Variants in FKBP1C observed in about 807,000 individuals in gnomAD.
FKBP1C encodes the protein FKBP prolyl isomerase family member 1C.
Under a neutral mutation model 7.1 loss-of-function variants are expected in FKBP1C, and 7 were observed. The ratio of observed to expected loss-of-function variants is 0.99; its 90% confidence interval spans 0.56 to 1.86. The LOEUF (loss-of-function observed/expected upper bound fraction) is 1.86, where lower values mean the gene tolerates loss of function less well. Ranked by LOEUF, FKBP1C falls within the 40% of genes most tolerant of loss-of-function variation. FKBP1C has a pLI of 0.00. For synonymous variants in FKBP1C, 56 were observed against 51.2 expected, an observed-to-expected ratio of 1.09 and a Z score of -0.40; for missense variants, 159 against 139.9, an observed-to-expected ratio of 1.14 and a Z score of -0.69.
rs771952973 is a variant in FKBP1C at position 63,211,871 on chromosome 6, A to G, written c.315A>G (p.Leu105=). ...CTCTCGTCTTCGATGTGGAGCTTCT[A>G]AAACTGGAATGACAGGAATGGCCTC... is the stretch of plus-strand genomic sequence containing the variant. The change falls in exon 1 of 1, where the codon CTA becomes CTG. Residue 105 remains leucine, a synonymous_variant. Coordinates refer to ENST00000370659, the Ensembl canonical transcript of FKBP1C. 1.2e-5 allele frequency: 20 copies of G among 1,613,074 alleles called. No homozygotes were observed. In the Admixed American group the frequency reaches 3.2e-4, roughly 26 times the overall value.
At chr6:63,211,658 A>G in exon 1 of FKBP1C, 1 of 1,614,068 alleles carries the variant, frequency 6.2e-7, no homozygotes, top group Non-Finnish European at 8.5e-7. Flanking sequence ...TTGAAGATGG[A>G]AAGAAATTTG....
At chr6:63,211,521 G>A (rs753649256) in exon 1 of FKBP1C, 80 of 866,236 alleles carry the variant, frequency 9.2e-5, no homozygotes, top group Non-Finnish European at 1.3e-4. Context: ...CACGCCGCCC[G>A]TCGCGCTGCC....
chr6:63,211,924 G>C, exon 1 of FKBP1C: 15 of 1,606,744 alleles, frequency 9.3e-6, no homozygotes, highest in Non-Finnish European at 1.3e-5. Context: ...TCTTGGATCT[G>C]CCATGGAGGG....
chr6:63,211,597 G>T, exon 1 of FKBP1C: 1 of 1,554,180 alleles, frequency 6.4e-7, no homozygotes, highest in Non-Finnish European at 8.9e-7. Flanking sequence ...GGAGACTGGC[G>T]CACCTTCCCG....
exon 1 of FKBP1C, chr6:63,212,038 C>G: frequency 1.1e-6 from 1 of 874,626 alleles, no homozygotes; most frequent in East Asian, 2.6e-5. Context: ...TGTTCTGTCA[C>G]TCAGCTTTGC....
exon 1 of FKBP1C, chr6:63,212,739 T>G (rs2127364324): frequency 6.0e-6 from 1 of 167,118 alleles, no homozygotes; most frequent in East Asian, 1.9e-4. Context: ...GTTTGTAGAC[T>G]TAACACCCAG....
rs554462564 is a variant in FKBP1C, at chr6:63,211,602, T to C, written c.46T>C (p.Phe16Leu). Residue 16 changes from phenylalanine (F) to leucine (L), a missense_variant, in exon 1 of 1, where the codon TTC (phenylalanine) becomes CTC (leucine). Physicochemically the swap from Phe to Leu is conservative, Grantham distance 22. Transcript: ENST00000370659. ...CATCTCCCCAGGAGACTGGCGCACCTTCCCGAAGCGCAGCCAGACCTGCGT... is the reference window on the plus strand; with the variant it reads ...CATCTCCCCAGGAGACTGGCGCACCCTCCCGAAGCGCAGCCAGACCTGCGT... 7.2e-5 allele frequency: 114 copies of C among 1,582,726 alleles called. 1 individual carries two copies. In the African/African-American group the frequency reaches 1.2e-3, roughly 16 times the overall value.
exon 1 of FKBP1C, chr6:63,211,655 T>C: frequency 1.9e-6 from 3 of 1,614,110 alleles, no homozygotes; most frequent in South Asian, 1.1e-5. Flanking sequence ...TGCTTGAAGA[T>C]GGAAAGAAAT....
At position 63,211,588 on chromosome 6, in the gene FKBP1C, G is replaced by T. The variant is rs146459499; in HGVS notation, c.32G>T (p.Gly11Val). ...GTGCACGTGGAAACCATCTCCCCAGGAGACTGGCGCACCTTCCCGAAGCGC... is the reference window on the plus strand; with the variant it reads ...GTGCACGTGGAAACCATCTCCCCAGTAGACTGGCGCACCTTCCCGAAGCGC... The change falls in exon 1 of 1, where the codon GGA becomes GTA. Residue 11 changes from glycine to valine, a missense_variant. Transcript: ENST00000370659. 8,731 of 1,530,684 alleles carry T rather than the reference G, an allele frequency of 5.7e-3. 53 individuals carry two copies. Among genetic ancestry groups the T allele is most frequent in the Non-Finnish European group, 6.9e-3 (7,668 of 1,105,138 alleles). The allele number at this position is 1,530,684 out of a possible 1,614,324, so 94.8% of individuals were successfully genotyped here. A position where few individuals can be genotyped will look rare whatever the true frequency, so the allele number is the denominator to read the frequency against.
At chr6:63,211,958 A>C (rs965824371) in exon 1 of FKBP1C, 1 of 1,517,376 alleles carries the variant, frequency 6.6e-7, no homozygotes, top group East Asian at 2.2e-5. Flanking sequence ...AGACGTGTGC[A>C]CATAAATCCA....
exon 1 of FKBP1C, chr6:63,211,851 G>A (rs748074789): frequency 3.1e-5 from 50 of 1,612,962 alleles, no homozygotes; most frequent in East Asian, 8.9e-5. Context: ...TGCCACTCTC[G>A]TCTTCGATGT....
chr6:63,211,583 C>T, exon 1 of FKBP1C: 1 of 1,513,540 alleles, frequency 6.6e-7, no homozygotes, highest in African/African-American at 1.4e-5. Flanking sequence ...AAACCATCTC[C>T]CCAGGAGACT....
chr6:63,211,768 A>G (rs779211879), exon 1 of FKBP1C: 11 of 1,614,012 alleles, frequency 6.8e-6, no homozygotes, highest in East Asian at 2.2e-5. Flanking sequence ...AGTGTGGGTC[A>G]GAGAGCCAAA....
In FKBP1C at chr6:63,211,771, G is replaced by C. The variant is rs746230453; in HGVS notation, c.215G>C (p.Arg72Thr). Residue 72 changes from arginine to threonine, a missense_variant, in exon 1 of 1, where the codon AGA becomes ACA. Physicochemically the swap from Arg to Thr is moderately conservative, Grantham distance 71. Coordinates refer to ENST00000370659, the Ensembl canonical transcript of FKBP1C. Reference sequence around the variant, plus strand: ...GTTGTCCAGATGAGTGTGGGTCAGAGAGCCAAACTGACTATATCTCCAGAT... The same window carrying C: ...GTTGTCCAGATGAGTGTGGGTCAGACAGCCAAACTGACTATATCTCCAGAT... 14 of 1,613,876 alleles carry C rather than the reference G, an allele frequency of 8.7e-6. No homozygotes were observed. In the Admixed American group the frequency reaches 2.3e-4, roughly 27 times the overall value.
exon 1 of FKBP1C, chr6:63,212,558 G>A (rs1350321148): frequency 6.1e-6 from 1 of 164,482 alleles, no homozygotes; most frequent in Non-Finnish European, 1.5e-5. Context: ...TCTGTCCCTG[G>A]GCCAGCAGGG....
exon 1 of FKBP1C, chr6:63,212,799 GATGCTGGTC>G (rs920567324): frequency 9.6e-5 from 16 of 166,952 alleles, no homozygotes; most frequent in African/African-American, 3.9e-4. Flanking sequence ...TTAAGAAAAT[GATGCTGGTC>G]ATCCCAGCTT....
At chr6:63,212,299 A>G (rs953048235) in exon 1 of FKBP1C, 1 of 238,200 alleles carries the variant, frequency 4.2e-6, no homozygotes, top group Non-Finnish European at 8.9e-6. Context: ...TTTGGATGAA[A>G]TTTTTATCTA....
At chr6:63,211,890 T>C (rs1766110480) in exon 1 of FKBP1C, 1 of 1,612,566 alleles carries the variant, frequency 6.2e-7, no homozygotes, top group Non-Finnish European at 8.5e-7. Flanking sequence ...ATGACAGGAA[T>C]GGCCTCCTCC....
exon 1 of FKBP1C, chr6:63,211,675 C>T (rs1282342631): frequency 6.2e-6 from 10 of 1,613,960 alleles, no homozygotes; most frequent in South Asian, 5.5e-5. Context: ...TTTGATTCCT[C>T]CCGGGACAGA....
Sources: allele counts gnomAD v4.1 joint callset, GRCh38; gene constraint gnomAD v4.1.1; transcripts MANE v1.5; gene names NCBI Gene and HGNC (gene_info 2026-07-23, HGNC 2026-07-21).